The following EXOC4 variants were observed in gnomAD, a reference collection of about 807,000 sequenced individuals.
The protein encoded by EXOC4 is SEC8-like 1.
EXOC4 carries 71 observed loss-of-function variants against 107.2 expected under a neutral mutation model. The observed-to-expected ratio is 0.66, with a 90% confidence interval of 0.55 to 0.81. The LOEUF (loss-of-function observed/expected upper bound fraction) is 0.81, where lower values mean the gene tolerates loss of function less well. EXOC4 is among the 30% of genes least tolerant of loss of function. EXOC4 has a pLI of 0.00. For synonymous variants in EXOC4, 456 were observed against 441.2 expected (o/e 1.03, Z -0.42); for missense variants, 1,108 against 1,189.6 (o/e 0.93, Z 1.01).
At chr7:134,008,534 C>G in intron 17 of EXOC4, among the ~76,000 whole-genome samples, 1 of 152,024 alleles carries the variant, frequency 6.6e-6, no homozygotes. Flanking sequence ...TTACAGGAAC[C>G]TACTTCTCAT....
chr7:133,480,516 T>C (rs1799129393), intron 9 of EXOC4: 2 of 986,162 alleles, frequency 2.0e-6, no homozygotes, highest in Non-Finnish European at 2.5e-6. Flanking sequence ...GTACCTGAGA[T>C]TTGGGAAAGG....
chr7:133,321,387 A>G (rs928563296), intron 5 of EXOC4, among the ~76,000 whole-genome samples: 1 of 152,078 alleles, frequency 6.6e-6, no homozygotes, highest in African/African-American at 2.4e-5. Flanking sequence ...CATCATCTAT[A>G]TTAGGTATTT....
At chr7:134,042,524 A>T (rs1795544136) in intron 17 of EXOC4, among the ~76,000 whole-genome samples, 2 of 151,988 alleles carry the variant, frequency 1.3e-5, no homozygotes, top group Admixed American at 1.3e-4. Flanking sequence ...AATATGGGCC[A>T]TCTACGACTG....
intron 10 of EXOC4, among the ~76,000 whole-genome samples, chr7:133,686,646 G>C (rs1041095327): frequency 8.5e-5 from 13 of 152,072 alleles, no homozygotes; most frequent in Admixed American, 3.9e-4. Context: ...TCAGGGAAAT[G>C]CAAATCAAAA....
At chr7:133,333,194 T>C (rs1039488967) in intron 5 of EXOC4, among the ~76,000 whole-genome samples, 3 of 152,174 alleles carry the variant, frequency 2.0e-5, no homozygotes, top group Admixed American at 6.5e-5. Context: ...CAGTAAAAAT[T>C]TATGGATATT....
the EXOC4 span, among the ~76,000 whole-genome samples, chr7:134,088,296 A>G: frequency 1.3e-5 from 2 of 152,220 alleles, no homozygotes; most frequent in Non-Finnish European, 2.9e-5. Flanking sequence ...ACAGATTCTT[A>G]TTGCACTTAT....
chr7:133,742,543 C>T (rs560708843), intron 10 of EXOC4, among the ~76,000 whole-genome samples: 1 of 152,118 alleles, frequency 6.6e-6, no homozygotes, highest in East Asian at 1.9e-4. Flanking sequence ...TATGAGAAAC[C>T]AAAAAGTTTA....
At chr7:133,536,117 G>GT (rs1185760455) in intron 9 of EXOC4, among the ~76,000 whole-genome samples, 2 of 152,152 alleles carry the variant, frequency 1.3e-5, no homozygotes, top group Admixed American at 6.5e-5. Context: ...GCTTTATTGA[G>GT]TTACTCAAAT....
Position 133,275,112 on chromosome 7 carries a change from A to G in EXOC4, c.217A>G (p.Ile73Val), listed in dbSNP as rs1196389683. The G allele has an allele frequency of 6.2e-7, 1 of 1,613,682 alleles. No homozygotes were observed. The highest frequency in any genetic ancestry group is 8.5e-7 in the Non-Finnish European group (1 of 1,179,722). Residue 73 changes from isoleucine (I) to valine (V), a missense_variant, in exon 2 of 18, where the codon ATT (isoleucine) becomes GTT (valine). Transcript: ENST00000253861. ...VQHYTELTTA[I>V]RTYQSITERI... ...GCACTACACAGAATTGACGACAGCCATTCGCACATACCAGAGCATCACAGA... is the reference window on the plus strand; with the variant it reads ...GCACTACACAGAATTGACGACAGCCGTTCGCACATACCAGAGCATCACAGA...
chr7:133,904,758 A>C (rs1799530561), intron 12 of EXOC4, among the ~76,000 whole-genome samples: 1 of 152,264 alleles, frequency 6.6e-6, no homozygotes, highest in Admixed American at 6.5e-5. Context: ...GCACACTCAA[A>C]GGCACAACAC....
intron 10 of EXOC4, among the ~76,000 whole-genome samples, chr7:133,698,699 AT>A (rs1794592885): frequency 1.3e-5 from 2 of 152,244 alleles, no homozygotes; most frequent in African/African-American, 4.8e-5. Flanking sequence ...CAGTGTGCAC[AT>A]TAACACACTC....
chr7:133,899,745 CT>C (rs35095963), intron 12 of EXOC4, among the ~76,000 whole-genome samples: 22,448 of 86,698 alleles, frequency 0.26, 1,929 homozygotes, highest in African/African-American at 0.45. Context: ...CAGATGTACT[CT>C]TTTTTTTTTT....
chr7:133,409,820 A>G (rs1416934419), intron 7 of EXOC4, among the ~76,000 whole-genome samples: 1 of 152,170 alleles, frequency 6.6e-6, no homozygotes, highest in African/African-American at 2.4e-5. Context: ...GCCTTATAGG[A>G]CTAGTAATGA....
At chr7:133,280,307 C>T (rs1273126278) in intron 2 of EXOC4, among the ~76,000 whole-genome samples, 3 of 152,152 alleles carry the variant, frequency 2.0e-5, no homozygotes, top group Non-Finnish European at 4.4e-5. Flanking sequence ...TGGTAAACCT[C>T]CAGTTCCATA....
chr7:133,526,473 A>G (rs1800080901), intron 9 of EXOC4, among the ~76,000 whole-genome samples: 1 of 152,160 alleles, frequency 6.6e-6, no homozygotes, highest in Admixed American at 6.5e-5. Context: ...ACAAACAAAG[A>G]TTTTATAAAA....
chr7:133,899,495 T>C (rs553770601), intron 12 of EXOC4, among the ~76,000 whole-genome samples: 322 of 152,380 alleles, frequency 2.1e-3, no homozygotes, highest in Non-Finnish European at 3.5e-3. Context: ...CTCCTGTCCA[T>C]TGGACATAGT....
At chr7:134,028,797 A>G (rs1209067543) in intron 17 of EXOC4, among the ~76,000 whole-genome samples, 2 of 152,222 alleles carry the variant, frequency 1.3e-5, no homozygotes. Context: ...TATACCTCTG[A>G]CCAATTTGGA....
chr7:133,265,921 C>T (rs1414110995), intron 1 of EXOC4, among the ~76,000 whole-genome samples: 1 of 152,140 alleles, frequency 6.6e-6, no homozygotes, highest in East Asian at 1.9e-4. Flanking sequence ...TGCCAAGAAT[C>T]TGTGTTGCTT....
intron 10 of EXOC4, among the ~76,000 whole-genome samples, chr7:133,792,938 ATCCT>A (rs1796735415): frequency 6.6e-6 from 1 of 152,198 alleles, no homozygotes. Flanking sequence ...ATGGTGAGTC[ATCCT>A]CCCAGGCTGC....
Sources: gnomAD v4.1 joint callset for allele counts (sites outside exome capture counted in the v4.1 genomes callset) on GRCh38, gnomAD v4.1.1 for gene constraint, MANE v1.5 for transcripts, NCBI Gene and HGNC (gene_info 2026-07-23, HGNC 2026-07-21) for gene names.